Variants in ITFG1 observed in about 807,000 individuals in gnomAD.
ITFG1 encodes the protein T-cell immunomodulatory protein.
A neutral mutation model predicts 81.8 loss-of-function variants in ITFG1; 34 were observed. That is an observed-to-expected ratio of 0.42 (90% CI 0.32 to 0.55). The LOEUF (loss-of-function observed/expected upper bound fraction) is 0.55. ITFG1 is among the 20% of genes least tolerant of loss of function. The pLI, the probability that ITFG1 is intolerant of heterozygous loss-of-function variation, is 0.17. For missense variants in ITFG1, 672 were observed against 755.4 expected, an observed-to-expected ratio of 0.89 and a Z score of 1.29; for synonymous variants, 285 against 270.6, an observed-to-expected ratio of 1.05 and a Z score of -0.52.
chr16:47,190,257 A>G (rs1372921615), intron 14 of ITFG1, among the ~76,000 whole-genome samples: 1 of 152,180 alleles, frequency 6.6e-6, no homozygotes, highest in Admixed American at 6.5e-5. Flanking sequence ...GTTCTGGTAC[A>G]TGGATAAAAG....
chr16:47,165,504 A>G (rs1050668393), intron 14 of ITFG1, among the ~76,000 whole-genome samples: 14 of 152,240 alleles, frequency 9.2e-5, no homozygotes, highest in Non-Finnish European at 1.8e-4. Context: ...CACATAGTAA[A>G]TAATAATGTT....
In ITFG1 at chr16:47,399,554, G is replaced by C. The variant is rs1968633785; in HGVS notation, c.656-23614C>G. ...CGCCGCTGCACTCCAGCCTGGGCAA[G>C]AGAGCGAGACTCCGTCTCAAAAAAA... On this transcript the variant is annotated intron_variant, in intron 6 of 17. Transcript: ENST00000320640. 2.7e-5 allele frequency among the ~76,000 whole-genome samples: 4 copies of C among 150,718 alleles called. No individual in the cohort carries two copies. In the South Asian group the frequency reaches 8.4e-4, roughly 31 times the overall value.
chr16:47,393,330 C>T (rs73543111), intron 6 of ITFG1, among the ~76,000 whole-genome samples: 17,773 of 151,998 alleles, frequency 0.12, 2,277 homozygotes, highest in African/African-American at 0.32. Context: ...ACTAGCAGTG[C>T]GATGCTATGA....
At chr16:47,326,542 T>C (rs1321228175) in intron 8 of ITFG1, among the ~76,000 whole-genome samples, 1 of 152,182 alleles carries the variant, frequency 6.6e-6, no homozygotes, top group African/African-American at 2.4e-5. Context: ...TTGTCCCTGT[T>C]TGCAGATGAC....
chr16:47,250,670 T>C (rs1371791398), intron 12 of ITFG1, among the ~76,000 whole-genome samples: 2 of 152,216 alleles, frequency 1.3e-5, no homozygotes, highest in Non-Finnish European at 2.9e-5. Flanking sequence ...TTATTTACCT[T>C]CCTTAATTCC....
At chr16:47,188,825 C>T (rs566411514) in intron 14 of ITFG1, among the ~76,000 whole-genome samples, 21 of 152,020 alleles carry the variant, frequency 1.4e-4, no homozygotes, top group East Asian at 3.9e-4. Flanking sequence ...AGTGCAGTGG[C>T]GCTATCTTGG....
chr16:47,435,381 G>C (rs1969153224), intron 5 of ITFG1, among the ~76,000 whole-genome samples: 1 of 152,160 alleles, frequency 6.6e-6, no homozygotes, highest in Non-Finnish European at 1.5e-5. Context: ...GAAAAAGTGG[G>C]TCATTCTAAG....
intron 12 of ITFG1, among the ~76,000 whole-genome samples, chr16:47,245,499 C>T (rs186983845): frequency 6.5e-4 from 99 of 152,022 alleles, no homozygotes; most frequent in African/African-American, 2.1e-3. Context: ...AGGTTCTTCC[C>T]CTCCTCATAC....
chr16:47,428,909 A>C lies in ITFG1; in HGVS notation c.561-11T>G. ...TGCCATGATAAATTCCTAAAAAATA[A>C]AATAAAAATACTTTTCTTAAGGCAA... On this transcript the variant is annotated splice_polypyrimidine_tract_variant and intron_variant, in intron 5 of 17. Transcript: ENST00000320640. The C allele has an allele frequency of 6.7e-7, 1 of 1,495,878 alleles. No individual in the cohort carries two copies. The highest frequency in any genetic ancestry group is 9.2e-7 in the Non-Finnish European group (1 of 1,091,084). 92.7% of individuals were successfully genotyped at this position (1,495,878 alleles called of 1,614,324 possible). A position where few individuals can be genotyped will look rare whatever the true frequency, so the allele number is the denominator to read the frequency against.
At chr16:47,385,095 CTG>C (rs1489085636) in intron 6 of ITFG1, among the ~76,000 whole-genome samples, 1 of 152,202 alleles carries the variant, frequency 6.6e-6, no homozygotes, top group Non-Finnish European at 1.5e-5. Context: ...TGGTCAGAAA[CTG>C]TGCAATTCGT....
At chr16:47,341,191 G>A (rs1441229255) in intron 8 of ITFG1, among the ~76,000 whole-genome samples, 1 of 151,782 alleles carries the variant, frequency 6.6e-6, no homozygotes, top group Non-Finnish European at 1.5e-5. Flanking sequence ...GAGGCAAGAG[G>A]ATTGCTTGGG....
rs368440598 is a variant in ITFG1 at position 47,424,871 on chromosome 16, C to T, written c.655+3933G>A. On this transcript the variant is annotated intron_variant, in intron 6 of 17. Transcript: ENST00000320640. ...GTCGGCTCCTGCTGGGAGGTGTCTC[C>T]TAGTCAGGCTACATTGGGGTCAGGG... is the stretch of plus-strand genomic sequence containing the variant. Among the ~76,000 whole-genome samples, 19 of 152,220 alleles carry T rather than the reference C, an allele frequency of 1.2e-4. No homozygotes were observed. In the East Asian group the frequency reaches 3.7e-3, roughly 29 times the overall value.
At chr16:47,210,598 C>T (rs367952864) in intron 14 of ITFG1, among the ~76,000 whole-genome samples, 2 of 152,224 alleles carry the variant, frequency 1.3e-5, no homozygotes, top group East Asian at 3.8e-4. Flanking sequence ...TTTGCCAAGC[C>T]TTAAATCCAG....
intron 8 of ITFG1, among the ~76,000 whole-genome samples, chr16:47,329,608 A>G (rs1158207929): frequency 2.0e-5 from 3 of 152,170 alleles, no homozygotes; most frequent in East Asian, 3.8e-4. Context: ...CAATGATCAC[A>G]CTAATAAGCA....
chr16:47,202,351 T>C (rs1013459312), intron 14 of ITFG1: 1 of 152,170 alleles, frequency 6.6e-6, no homozygotes, highest in Non-Finnish European at 1.5e-5. Context: ...GAAAGAAAAT[T>C]ATGCCACAAC....
chr16:47,307,118 A>AAAAAAAAAAAAC, intron 10 of ITFG1, among the ~76,000 whole-genome samples: 1 of 148,632 alleles, frequency 6.7e-6, no homozygotes, highest in Non-Finnish European at 1.5e-5. Flanking sequence ...AAAAAAAAAA[A>AAAAAAAAAAAAC]AAAAACGGAG....
intron 14 of ITFG1, among the ~76,000 whole-genome samples, chr16:47,205,980 C>T (rs1965493965): frequency 6.6e-6 from 1 of 152,108 alleles, no homozygotes; most frequent in Non-Finnish European, 1.5e-5. Flanking sequence ...ACTCTCCTGC[C>T]TCAGCCCCCT....
intron 14 of ITFG1, among the ~76,000 whole-genome samples, chr16:47,208,253 A>G (rs1965524786): frequency 6.6e-6 from 1 of 152,234 alleles, no homozygotes; most frequent in African/African-American, 2.4e-5. Flanking sequence ...ACTCTGGGGA[A>G]GTCCTTAACT....
intron 14 of ITFG1, among the ~76,000 whole-genome samples, chr16:47,211,359 C>T (rs936662365): frequency 1.3e-5 from 2 of 152,082 alleles, no homozygotes; most frequent in South Asian, 2.1e-4. Context: ...CTGATTTTTG[C>T]GTTCTTGTAT....
Sources: allele counts gnomAD v4.1 joint callset (sites outside exome capture counted in the v4.1 genomes callset), GRCh38; gene constraint gnomAD v4.1.1; transcripts MANE v1.5; gene names NCBI Gene and HGNC (gene_info 2026-07-23, HGNC 2026-07-21).